JAKMIP2: variants seen among roughly 807,000 people sequenced by gnomAD.
JAKMIP2 encodes janus kinase and microtubule interacting protein 2.
JAKMIP2 carries 25 observed loss-of-function variants against 115.0 expected under a neutral mutation model. The observed-to-expected ratio is 0.22, with a 90% CI of 0.16 to 0.30. JAKMIP2 has a LOEUF of 0.30. JAKMIP2 is among the 10% of genes least tolerant of loss of function. The pLI, the probability that JAKMIP2 is intolerant of heterozygous loss-of-function variation, is 1.00. For synonymous variants in JAKMIP2, 334 were observed against 343.6 expected (o/e 0.97, Z 0.31); for missense variants, 642 against 957.6 (o/e 0.67, Z 4.35).
chr5:147,593,491 T>TGAAGAGGAAGA (rs60389069), intron 21 of JAKMIP2, among the ~76,000 whole-genome samples: 2,139 of 152,242 alleles, frequency 0.014, 55 homozygotes, highest in African/African-American at 0.049. Flanking sequence ...GGCTGAGCCT[T>TGAAGAGGAAGA]GAAGAGGAAG....
intron 1 of JAKMIP2, among the ~76,000 whole-genome samples, chr5:147,700,032 C>A (rs780050388): frequency 2.0e-4 from 31 of 152,154 alleles, no homozygotes; most frequent in Non-Finnish European, 3.8e-4. Context: ...TCCCAATGAT[C>A]AAAGAGAAGC....
At chr5:147,643,670 C>A (rs775603867) in intron 7 of JAKMIP2, among the ~76,000 whole-genome samples, 21 of 152,076 alleles carry the variant, frequency 1.4e-4, no homozygotes, top group Non-Finnish European at 5.9e-5. Context: ...TGAATTGAGA[C>A]CTGGGAAACA....
intron 20 of JAKMIP2, among the ~76,000 whole-genome samples, chr5:147,606,523 T>C (rs1159742868): frequency 6.6e-6 from 1 of 152,172 alleles, no homozygotes; most frequent in Non-Finnish European, 1.5e-5. Flanking sequence ...GAGGCCTCTG[T>C]TCTGTTCCAT....
At chr5:147,720,840 C>T (rs1002627268) in intron 1 of JAKMIP2, among the ~76,000 whole-genome samples, 46 of 152,342 alleles carry the variant, frequency 3.0e-4, no homozygotes, top group Non-Finnish European at 6.2e-4. Flanking sequence ...AAGCCTTCTT[C>T]TCTCAGCTCG....
At chr5:147,636,873 G>A (rs966512071) in intron 11 of JAKMIP2, 92 bp downstream of exon 11, 5 of 822,022 alleles carry the variant, frequency 6.1e-6, no homozygotes, top group South Asian at 2.7e-5. Context: ...GAGCCAAGCT[G>A]TGTCCTGGGT....
chr5:147,676,177 T>C (rs1259690138), intron 1 of JAKMIP2, among the ~76,000 whole-genome samples: 1 of 152,014 alleles, frequency 6.6e-6, no homozygotes, highest in African/African-American at 2.4e-5. Context: ...ACTATAAAAA[T>C]ACAAAAAAAT....
intron 19 of JAKMIP2, among the ~76,000 whole-genome samples, chr5:147,615,922 G>A (rs1481313052): frequency 2.0e-5 from 3 of 152,076 alleles, no homozygotes; most frequent in Admixed American, 2.0e-4. Flanking sequence ...TCCTGCACGT[G>A]CCTGGGGTGA....
chr5:147,594,502 T>C (rs1755258753), intron 21 of JAKMIP2: 1 of 439,512 alleles, frequency 2.3e-6, no homozygotes, highest in Admixed American at 2.4e-5. Context: ...ACCCAGCTAG[T>C]TTTTGTACTT....
chr5:147,745,075 A>G (rs1221319835), intron 1 of JAKMIP2, among the ~76,000 whole-genome samples: 5 of 147,710 alleles, frequency 3.4e-5, no homozygotes, highest in African/African-American at 1.3e-4. Context: ...AAAAAAAAAA[A>G]GGAAATAAGG....
intron 1 of JAKMIP2, among the ~76,000 whole-genome samples, chr5:147,733,524 T>C (rs1362204020): frequency 6.6e-6 from 1 of 152,224 alleles, no homozygotes; most frequent in East Asian, 1.9e-4. Flanking sequence ...TGCAGGTTTG[T>C]TACACAGGTA....
intron 1 of JAKMIP2, among the ~76,000 whole-genome samples, chr5:147,752,746 G>C (rs1253532684): frequency 6.6e-6 from 1 of 152,126 alleles, no homozygotes; most frequent in Non-Finnish European, 1.5e-5. Context: ...TGATTTGCAA[G>C]AAGAGACAAC....
chr5:147,698,683 G>T (rs552699081), intron 1 of JAKMIP2, among the ~76,000 whole-genome samples: 1 of 152,270 alleles, frequency 6.6e-6, no homozygotes, highest in African/African-American at 2.4e-5. Context: ...CTGCTGCCTT[G>T]TGAGGAAGGA....
chr5:147,762,958 T>A (rs1467401016), intron 1 of JAKMIP2, among the ~76,000 whole-genome samples: 3 of 152,142 alleles, frequency 2.0e-5, no homozygotes, highest in Non-Finnish European at 2.9e-5. Context: ...TTTAAACTTC[T>A]GCCAGGAGAG....
At chr5:147,773,758 A>G (rs1478449581) in intron 1 of JAKMIP2, among the ~76,000 whole-genome samples, 1 of 152,138 alleles carries the variant, frequency 6.6e-6, no homozygotes, top group Non-Finnish European at 1.5e-5. Flanking sequence ...CCCAAAGGTC[A>G]CACTCAGATG....
chr5:147,627,026 T>C (rs1757127050), intron 16 of JAKMIP2, among the ~76,000 whole-genome samples: 2 of 152,164 alleles, frequency 1.3e-5, no homozygotes, highest in Admixed American at 1.3e-4. Flanking sequence ...CTCCTTCAGT[T>C]AACATTTATT....
At chr5:147,687,431 C>T (rs1026070361) in intron 1 of JAKMIP2, among the ~76,000 whole-genome samples, 2 of 152,130 alleles carry the variant, frequency 1.3e-5, no homozygotes, top group Non-Finnish European at 2.9e-5. Context: ...GGAGGAGCTC[C>T]AACTCCCTGG....
chr5:147,587,159 C>A lies in JAKMIP2; in HGVS notation c.*4548G>T, dbSNP rs970909805. The A allele has an allele frequency of 5.9e-5, 9 of 152,228 alleles. No individual in the cohort carries two copies. In the East Asian group the frequency reaches 1.7e-3, roughly 29 times the overall value. The allele number at this position is 152,228 out of a possible 1,614,324, so 9.4% of individuals were successfully genotyped here. A position where few individuals can be genotyped will look rare whatever the true frequency, so the allele number is the denominator to read the frequency against. On this transcript the variant is annotated 3_prime_UTR_variant, in exon 22 of 22. Transcript: ENST00000616793. ...CTTTCCTCACTTAAGACCTAGAAGT[C>A]TGCTTAAAGAGGGGCTTGGGTCCAT...
chr5:147,772,517 AGGT>A (rs1467978471), intron 1 of JAKMIP2, among the ~76,000 whole-genome samples: 1 of 151,858 alleles, frequency 6.6e-6, no homozygotes, highest in East Asian at 1.9e-4. Context: ...CCATGAAGAA[AGGT>A]GGCCCTGGTG....
chr5:147,595,196 T>C (rs1755306133), intron 21 of JAKMIP2, among the ~76,000 whole-genome samples: 1 of 152,338 alleles, frequency 6.6e-6, no homozygotes, highest in Admixed American at 6.5e-5. Flanking sequence ...GCTAATTTTT[T>C]ATATTAGAAA....
Sources: gnomAD v4.1 joint callset for allele counts (sites outside exome capture counted in the v4.1 genomes callset) on GRCh38, gnomAD v4.1.1 for gene constraint, MANE v1.5 for transcripts, NCBI Gene and HGNC (gene_info 2026-07-23, HGNC 2026-07-21) for gene names.